The following PTPRZ1 variants were observed in gnomAD, a reference collection of about 807,000 sequenced individuals.
The protein encoded by PTPRZ1 is protein tyrosine phosphatase receptor type Z1.
PTPRZ1 carries 82 observed loss-of-function variants against 214.1 expected under a neutral mutation model. The ratio of observed to expected loss-of-function variants is 0.38; its 90% CI spans 0.32 to 0.46. The LOEUF is 0.46. Among genes scored for constraint, PTPRZ1 ranks in the 20% least tolerant of loss-of-function variants. The probability of loss-of-function intolerance (pLI) is 1.00; values close to 1 mark genes in which losing one functional copy is unlikely to be tolerated. For missense variants in PTPRZ1, 2,603 were observed against 2,748.7 expected, an observed-to-expected ratio of 0.95 and a Z score of 1.19; for synonymous variants, 945 against 987.9, an observed-to-expected ratio of 0.96 and a Z score of 0.81.
chr7:122,039,123 G>A (rs1288849817), intron 19 of PTPRZ1, among the ~76,000 whole-genome samples: 2 of 152,106 alleles, frequency 1.3e-5, no homozygotes, highest in Admixed American at 6.5e-5. Flanking sequence ...AGAAGTAAAT[G>A]GGACTCATTG....
Position 122,010,829 on chromosome 7 carries a change from G to A in PTPRZ1, c.1783G>A (p.Ala595Thr). 1.2e-6 allele frequency: 2 copies of A among 1,614,042 alleles called. No homozygotes were observed. Among genetic ancestry groups the A allele is most frequent in the Non-Finnish European group, 1.7e-6 (2 of 1,180,002 alleles). Residue 595 changes from alanine to threonine, a missense_variant, in exon 12 of 30, where the codon GCT (alanine) becomes ACT (threonine). Physicochemically the swap from Ala to Thr is moderately conservative, Grantham distance 58 (BLOSUM62 0). Coordinates refer to ENST00000393386, the MANE Select transcript of PTPRZ1 (RefSeq NM_002851.3). ...TTCAGGCTCCAGTCCCGCAACTTCT[G>A]CTATCCCATTCATCTCTGAGAACAT... ...DSSGSSPATS[A>T]IPFISENISQ... is the part of the protein sequence containing the mutation.
chr7:121,970,750 G>T (rs1466144695), intron 3 of PTPRZ1, among the ~76,000 whole-genome samples: 1 of 152,072 alleles, frequency 6.6e-6, no homozygotes, highest in Non-Finnish European at 1.5e-5. Flanking sequence ...TATTCTGTAG[G>T]TTGCCTGTTC....
intron 2 of PTPRZ1, among the ~76,000 whole-genome samples, chr7:121,940,894 C>T (rs762058064): frequency 6.6e-6 from 1 of 152,056 alleles, no homozygotes; most frequent in Non-Finnish European, 1.5e-5. Flanking sequence ...TGATTACCTT[C>T]CCCCTGCCTG....
intron 1 of PTPRZ1, among the ~76,000 whole-genome samples, chr7:121,924,424 A>G (rs557376975): frequency 2.6e-5 from 4 of 152,292 alleles, no homozygotes; most frequent in Admixed American, 2.0e-4. Context: ...CTCACGCCCA[A>G]GCACTATGTA....
Position 122,028,542 on chromosome 7 carries a change from T to G in PTPRZ1, c.4989-10T>G, listed in dbSNP as rs773288521. On this transcript the variant is annotated splice_polypyrimidine_tract_variant and intron_variant, in intron 13 of 29. Transcript: ENST00000393386. ...AACTAGTAGTATAAATTGTGTTCTTTTATTTCCAGGAAATGCTTCCAGACT... is the reference window on the plus strand; with the variant it reads ...AACTAGTAGTATAAATTGTGTTCTTGTATTTCCAGGAAATGCTTCCAGACT... The G allele has an allele frequency of 6.6e-7, 1 of 1,522,604 alleles. No homozygotes were observed. Among genetic ancestry groups the G allele is most frequent in the Non-Finnish European group, 9.1e-7 (1 of 1,098,610 alleles). The allele number at this position is 1,522,604 out of a possible 1,614,324, so 94.3% of individuals were successfully genotyped here.
At chr7:122,032,582 A>T (rs1799415016) in intron 15 of PTPRZ1, among the ~76,000 whole-genome samples, 1 of 152,096 alleles carries the variant, frequency 6.6e-6, no homozygotes, top group African/African-American at 2.4e-5. Flanking sequence ...CTGTAAGCCT[A>T]ATCACAAAAT....
chr7:121,911,013 T>A (rs1795257610), intron 1 of PTPRZ1, among the ~76,000 whole-genome samples: 1 of 152,130 alleles, frequency 6.6e-6, no homozygotes, highest in Non-Finnish European at 1.5e-5. Context: ...AATGATACAA[T>A]AACTTAGCTA....
intron 13 of PTPRZ1, among the ~76,000 whole-genome samples, chr7:122,022,044 T>C (rs544505916): frequency 6.6e-6 from 1 of 152,320 alleles, no homozygotes; most frequent in East Asian, 1.9e-4. Context: ...TATATAAACA[T>C]TTTAGACCTT....
At chr7:121,930,894 G>T (rs960633557) in intron 2 of PTPRZ1, among the ~76,000 whole-genome samples, 3 of 152,182 alleles carry the variant, frequency 2.0e-5, no homozygotes, top group African/African-American at 7.2e-5. Flanking sequence ...TGTCAGGAGG[G>T]ACTAAGAATG....
intron 2 of PTPRZ1, among the ~76,000 whole-genome samples, chr7:121,956,041 G>A (rs532519570): frequency 6.6e-6 from 1 of 151,962 alleles, no homozygotes; most frequent in African/African-American, 2.4e-5. Context: ...TAGAGATGGG[G>A]GTGGTGGGGA....
chr7:121,977,459 T>C (rs1351782848), intron 6 of PTPRZ1, among the ~76,000 whole-genome samples: 1 of 152,220 alleles, frequency 6.6e-6, no homozygotes, highest in Non-Finnish European at 1.5e-5. Context: ...CTATTAATTT[T>C]ACTATTTTAT....
chr7:121,942,507 T>C (rs1796262755), intron 2 of PTPRZ1, among the ~76,000 whole-genome samples: 1 of 152,244 alleles, frequency 6.6e-6, no homozygotes, highest in African/African-American at 2.4e-5. Flanking sequence ...TATGATTCTT[T>C]AGCTTCAAAA....
intron 2 of PTPRZ1, among the ~76,000 whole-genome samples, chr7:121,953,945 C>G (rs984905500): frequency 3.3e-5 from 5 of 152,196 alleles, no homozygotes; most frequent in Non-Finnish European, 7.3e-5. Context: ...GTGGCACCAT[C>G]ATCCTCAGTC....
chr7:121,985,453 G>A lies in PTPRZ1; in HGVS notation c.928+1336G>A, dbSNP rs143036780. Among the ~76,000 whole-genome samples the A allele has an allele frequency of 1.3e-3, 194 of 152,230 alleles. 2 individuals carry two copies. Among genetic ancestry groups the A allele is most frequent in the African/African-American group, 4.5e-3 (185 of 41,542 alleles). ...CAAACTGCTTGTTATTGCATGGCAG[G>A]CTCTGTGTAGGTTTACTAGTCTTAG... is the stretch of plus-strand genomic sequence containing the variant. On this transcript the variant is annotated intron_variant, in intron 8 of 29. Transcript: ENST00000393386.
chr7:122,060,755 A>T (rs544079118), intron 29 of PTPRZ1, among the ~76,000 whole-genome samples: 1 of 152,324 alleles, frequency 6.6e-6, no homozygotes, highest in East Asian at 1.9e-4. Context: ...TGAGTTACAG[A>T]TGTCCAGTGC....
At chr7:122,037,832 A>G (rs928336008) in intron 18 of PTPRZ1, among the ~76,000 whole-genome samples, 3 of 152,208 alleles carry the variant, frequency 2.0e-5, no homozygotes, top group African/African-American at 7.2e-5. Flanking sequence ...ATCAGGGTTG[A>G]TGCTTCCATT....
At chr7:122,057,946 T>C (rs147366415) in intron 27 of PTPRZ1, among the ~76,000 whole-genome samples, 2,032 of 110,304 alleles carry the variant, frequency 0.018, 18 homozygotes, top group Middle Eastern at 0.031. Context: ...GTCATTCATA[T>C]AGTGTGTGTG....
chr7:121,875,165 A>AC (rs1794014654), intron 1 of PTPRZ1, among the ~76,000 whole-genome samples: 1 of 152,102 alleles, frequency 6.6e-6, no homozygotes, highest in African/African-American at 2.4e-5. Flanking sequence ...TGTTTTAATG[A>AC]CCCCAAAAAG....
chr7:121,960,348 C>T (rs1796838097), intron 2 of PTPRZ1, among the ~76,000 whole-genome samples: 1 of 151,792 alleles, frequency 6.6e-6, no homozygotes, highest in Admixed American at 6.6e-5. Flanking sequence ...AGCTGAGACA[C>T]AAACATTTTC....
Sources: gnomAD v4.1 joint callset for allele counts (sites outside exome capture counted in the v4.1 genomes callset) on GRCh38, gnomAD v4.1.1 for gene constraint, MANE v1.5 for transcripts, NCBI Gene and HGNC (gene_info 2026-07-23, HGNC 2026-07-21) for gene names.